Variants in LDLRAD3 observed in about 807,000 individuals in gnomAD.
LDLRAD3 encodes the protein low-density lipoprotein receptor class A domain-containing protein 3.
LDLRAD3 carries 20 observed loss-of-function variants against 29.4 expected under a neutral mutation model. The ratio of observed to expected loss-of-function variants is 0.68; its 90% CI spans 0.48 to 0.99. LDLRAD3 has a LOEUF of 0.99. Among genes scored for constraint, LDLRAD3 ranks in the 50% least tolerant of loss-of-function variants. LDLRAD3 has a pLI of 0.00. For synonymous variants in LDLRAD3, 157 were observed against 192.7 expected (o/e 0.81, Z 1.53); for missense variants, 420 against 454.3 (o/e 0.92, Z 0.69).
intron 1 of LDLRAD3, among the ~76,000 whole-genome samples, chr11:35,995,943 T>C (rs529016178): frequency 6.6e-6 from 1 of 152,374 alleles, no homozygotes; most frequent in East Asian, 1.9e-4. Context: ...GGGAATGCTA[T>C]GGCTGGTTTG....
intron 3 of LDLRAD3, among the ~76,000 whole-genome samples, chr11:36,095,535 A>G (rs1023187165): frequency 1.3e-5 from 2 of 152,058 alleles, no homozygotes; most frequent in African/African-American, 2.4e-5. Context: ...AGTTCTTTAT[A>G]TATTCTTGCT....
chr11:36,183,738 A>G (rs991683318), intron 4 of LDLRAD3, among the ~76,000 whole-genome samples: 2 of 152,164 alleles, frequency 1.3e-5, no homozygotes, highest in Admixed American at 1.3e-4. Context: ...TTTCCTTTAG[A>G]TCACCTCAAT....
intron 4 of LDLRAD3, among the ~76,000 whole-genome samples, chr11:36,201,220 C>A (rs1207185998): frequency 6.6e-6 from 1 of 152,202 alleles, no homozygotes; most frequent in African/African-American, 2.4e-5. Flanking sequence ...AACCAGAAGA[C>A]AGCTGGACCA....
chr11:36,047,361 G>T (rs576175215), intron 2 of LDLRAD3, among the ~76,000 whole-genome samples: 1 of 152,128 alleles, frequency 6.6e-6, no homozygotes, highest in South Asian at 2.1e-4. Context: ...TCATTCTAAG[G>T]CCTCCAGTGT....
intron 1 of LDLRAD3, among the ~76,000 whole-genome samples, chr11:35,992,569 A>G (rs1345882839): frequency 6.6e-6 from 1 of 152,240 alleles, no homozygotes; most frequent in Non-Finnish European, 1.5e-5. Context: ...TGGAAATATT[A>G]TGCTAAATGA....
intron 4 of LDLRAD3, among the ~76,000 whole-genome samples, chr11:36,171,463 A>G (rs1001153504): frequency 6.6e-6 from 1 of 152,196 alleles, no homozygotes; most frequent in Middle Eastern, 3.4e-3. Context: ...TCTTGAGTTT[A>G]TTTTTGTATA....
At chr11:36,186,772 T>TTGC (rs575002002) in intron 4 of LDLRAD3, among the ~76,000 whole-genome samples, 331 of 152,116 alleles carry the variant, frequency 2.2e-3, no homozygotes, top group African/African-American at 5.6e-3. Context: ...ATTCATGCAC[T>TTGC]TGCATATGGC....
chr11:35,980,989 C>T (rs1396743911), intron 1 of LDLRAD3, among the ~76,000 whole-genome samples: 2 of 152,132 alleles, frequency 1.3e-5, no homozygotes, highest in Non-Finnish European at 2.9e-5. Flanking sequence ...CCACTGCTGA[C>T]CCCAGGGGAG....
intron 4 of LDLRAD3, among the ~76,000 whole-genome samples, chr11:36,220,165 C>T (rs1855409062): frequency 6.6e-6 from 1 of 152,042 alleles, no homozygotes; most frequent in South Asian, 2.1e-4. Flanking sequence ...ATTAAGATGG[C>T]TAAAATTAAA....
At position 36,228,455 on chromosome 11, in the gene LDLRAD3, T is replaced by C. The variant is rs767580150; in HGVS notation, c.801-705T>C. Reference sequence around the variant, plus strand: ...GTGGGTTCAAATCCCAGCATTGCTGTTTACCAGTTATTTCTGATGCTGGGC... The same window carrying C: ...GTGGGTTCAAATCCCAGCATTGCTGCTTACCAGTTATTTCTGATGCTGGGC... On this transcript the variant is annotated intron_variant, in intron 5 of 5. Coordinates refer to ENST00000315571, the MANE Select transcript of LDLRAD3 (RefSeq NM_174902.4). 1.4e-4 allele frequency among the ~76,000 whole-genome samples: 22 copies of C among 152,180 alleles called. 1 individual carries two copies. Among genetic ancestry groups the C allele is most frequent in the Non-Finnish European group, 2.9e-4 (20 of 68,022 alleles).
chr11:36,074,160 G>A (rs1047251381), intron 2 of LDLRAD3, among the ~76,000 whole-genome samples: 2 of 152,232 alleles, frequency 1.3e-5, no homozygotes, highest in African/African-American at 2.4e-5. Flanking sequence ...GGCACATGGT[G>A]TAGGCACTGT....
At chr11:36,210,964 T>A (rs956087863) in intron 4 of LDLRAD3, among the ~76,000 whole-genome samples, 2 of 152,228 alleles carry the variant, frequency 1.3e-5, no homozygotes, top group African/African-American at 4.8e-5. Context: ...CAGTTATAGT[T>A]ACCTCATGCT....
chr11:35,950,980 G>A (rs192186036), intron 1 of LDLRAD3, among the ~76,000 whole-genome samples: 2 of 152,162 alleles, frequency 1.3e-5, no homozygotes, highest in Non-Finnish European at 1.5e-5. Flanking sequence ...CTACTTGGGA[G>A]GCTGAGGCAG....
chr11:36,188,971 C>CT (rs34522525), intron 4 of LDLRAD3, among the ~76,000 whole-genome samples: 9,440 of 143,332 alleles, frequency 0.066, 924 homozygotes, highest in African/African-American at 0.22. Context: ...CAACCAAGAG[C>CT]TTTTTTTTTT....
At chr11:36,179,255 C>G (rs552075767) in intron 4 of LDLRAD3, among the ~76,000 whole-genome samples, 36 of 152,148 alleles carry the variant, frequency 2.4e-4, no homozygotes, top group Non-Finnish European at 4.4e-4. Context: ...GGATGGATCA[C>G]TTGAGGTCAG....
intron 2 of LDLRAD3, among the ~76,000 whole-genome samples, chr11:36,074,705 A>G (rs895092450): frequency 5.9e-5 from 9 of 152,196 alleles, no homozygotes. Flanking sequence ...GCCTATAAGC[A>G]TTCTTCCCTC....
At chr11:36,116,639 T>C (rs567957657) in intron 4 of LDLRAD3, among the ~76,000 whole-genome samples, 35 of 151,718 alleles carry the variant, frequency 2.3e-4, no homozygotes, top group African/African-American at 7.8e-4. Context: ...TTTCTAGTGA[T>C]TGGCACCTCA....
At chr11:36,092,483 C>A (rs4319491) in intron 3 of LDLRAD3, among the ~76,000 whole-genome samples, 2 of 152,052 alleles carry the variant, frequency 1.3e-5, no homozygotes, top group Non-Finnish European at 1.5e-5. Context: ...TGTTTGTATC[C>A]TTTAACCCAC....
intron 1 of LDLRAD3, among the ~76,000 whole-genome samples, chr11:36,016,513 G>A (rs1852024463): frequency 6.6e-6 from 1 of 152,184 alleles, no homozygotes; most frequent in Non-Finnish European, 1.5e-5. Context: ...TTCTCTGTGT[G>A]TATGTATTTT....
Sources: allele counts gnomAD v4.1 joint callset (sites outside exome capture counted in the v4.1 genomes callset), GRCh38; gene constraint gnomAD v4.1.1; transcripts MANE v1.5; gene names NCBI Gene and HGNC (gene_info 2026-07-23, HGNC 2026-07-21).